TULP2: variants seen among roughly 807,000 people sequenced by gnomAD.
TULP2 encodes the protein tubby-related protein 2.
Under a neutral mutation model 60.3 loss-of-function variants are expected in TULP2, and 64 were observed. That is an observed-to-expected ratio of 1.06 (90% CI 0.87 to 1.31). TULP2 has a LOEUF of 1.31. Among genes scored for constraint, TULP2 ranks in the 50% most tolerant of loss-of-function variants. The pLI, the probability that TULP2 is intolerant of heterozygous loss-of-function variation, is 0.00. For synonymous variants in TULP2, 267 were observed against 265.4 expected (o/e 1.01, Z -0.06); for missense variants, 652 against 667.0 (o/e 0.98, Z 0.25).
rs549526019 is a variant in TULP2 at position 48,889,721 on chromosome 19, A to G, written c.515-90T>C. On this transcript the variant is annotated intron_variant, in intron 6 of 12. Coordinates refer to ENST00000221399, the MANE Select transcript of TULP2 (RefSeq NM_003323.3). ...AGGAGACTCCATTTTGTTCTGTACT[A>G]AGACAAATTCTTCTGCCTTGGGATG... 1.6e-5 allele frequency: 19 copies of G among 1,177,636 alleles called. No individual in the cohort carries two copies. In the African/African-American group the frequency reaches 2.6e-4, roughly 16 times the overall value. 72.9% of individuals were successfully genotyped at this position (1,177,636 alleles called of 1,614,324 possible).
At chr19:48,893,644 C>T (rs564359066) in intron 6 of TULP2, among the ~76,000 whole-genome samples, 2 of 152,182 alleles carry the variant, frequency 1.3e-5, no homozygotes, top group African/African-American at 2.4e-5. Flanking sequence ...ACCTCTGTCT[C>T]CTGGGTTCAA....
At chr19:48,890,886 G>A (rs2037226412) in intron 6 of TULP2, among the ~76,000 whole-genome samples, 1 of 152,122 alleles carries the variant, frequency 6.6e-6, no homozygotes, top group African/African-American at 2.4e-5. Context: ...GGGGGATGGA[G>A]TTTGGGGTGA....
chr19:48,890,470 A>T (rs4802519), intron 6 of TULP2, among the ~76,000 whole-genome samples: 15,145 of 151,762 alleles, frequency 0.1, 364 homozygotes, highest in Non-Finnish European at 0.15. Context: ...GATCCTCCAT[A>T]TGCTGAACGC....
chr19:48,889,458 C>T (rs937576117), intron 7 of TULP2, 52 bp downstream of exon 7: 42 of 1,541,580 alleles, frequency 2.7e-5, no homozygotes, highest in Non-Finnish European at 3.6e-5. Context: ...CACCAGAGGT[C>T]CGAGGCTAGC....
intron 8 of TULP2, 34 bp from the exon 9 acceptor site, chr19:48,885,594 C>CT: frequency 1.3e-6 from 2 of 1,594,390 alleles, no homozygotes; most frequent in Non-Finnish European, 1.7e-6. Context: ...TTAGAATGGA[C>CT]TTCTGGATGC....
intron 8 of TULP2, among the ~76,000 whole-genome samples, chr19:48,887,621 A>G (rs10423931): frequency 0.49 from 74,236 of 151,576 alleles, 21,231 homozygotes; most frequent in African/African-American, 0.81. Context: ...GCAGTGATGC[A>G]ATCTCGGCTC....
At position 48,885,433 on chromosome 19, in the gene TULP2, CAG is replaced by C; in HGVS notation, c.1061+13_1061+14del. 1.9e-6 allele frequency: 3 copies of C among 1,610,948 alleles called. No individual in the cohort carries two copies. Among genetic ancestry groups the C allele is most frequent in the Non-Finnish European group, 2.5e-6 (3 of 1,177,278 alleles). On this transcript the variant is annotated intron_variant, in intron 9 of 12. Transcript: ENST00000221399. ...CTGCTACCTGCTCCTCACCACATGT[CAG>C]AGCTCTACCCACCTGACTTTGCCCA...
Position 48,883,677 on chromosome 19 carries a change from T to G in TULP2, c.1275+77A>C, listed in dbSNP as rs2037154276. The G allele has an allele frequency of 8.5e-6, 13 of 1,526,478 alleles. 1 individual carries two copies. The South Asian group carries it at 1.4e-4, about 16-fold the overall frequency. 94.6% of individuals were successfully genotyped at this position (1,526,478 alleles called of 1,614,324 possible). A position where few individuals can be genotyped will look rare whatever the true frequency, so the allele number is the denominator to read the frequency against. On this transcript the variant is annotated intron_variant, in intron 11 of 12. Coordinates refer to ENST00000221399, the MANE Select transcript of TULP2 (RefSeq NM_003323.3). ...GGCCTCCTCTTCCTCCTCTTCTTCT[T>G]CCTCCTCTGGGATCTAGGAGGACCG...
Position 48,883,790 on chromosome 19 carries a change from G to C in TULP2, c.1239C>G (p.Asn413Lys). The change falls in exon 11 of 13, where the codon AAC becomes AAG. Residue 413 changes from asparagine to lysine, a missense_variant. Coordinates refer to ENST00000221399, the MANE Select transcript of TULP2 (RefSeq NM_003323.3). ...RKMTVILPGTNSQNQRINVQP... is the reference protein window; with the variant it reads ...RKMTVILPGTKSQNQRINVQP... ...GGACATTGATTCGCTGGTTCTGGCT[G>C]TTGGTTCCTGGGAGAATCACAGTCA... 6.2e-7 allele frequency: 1 copy of C among 1,614,110 alleles called. No individual in the cohort carries two copies. Among genetic ancestry groups the C allele is most frequent in the African/African-American group, 1.3e-5 (1 of 75,010 alleles).
chr19:48,895,666 G>A (rs958832253), intron 4 of TULP2, among the ~76,000 whole-genome samples, 163 bp from the exon 5 acceptor site: 1 of 152,132 alleles, frequency 6.6e-6, no homozygotes, highest in African/African-American at 2.4e-5. Context: ...GATCACCTGA[G>A]GTCGGGAGTT....
In TULP2 at chr19:48,884,175, T is replaced by C. The variant is rs1007004384; in HGVS notation, c.1062-129A>G. On this transcript the variant is annotated intron_variant, in intron 9 of 12. Coordinates refer to ENST00000221399, the MANE Select transcript of TULP2 (RefSeq NM_003323.3). ...ACTATGTCCGAATGTCTAAGAATCA[T>C]GTTCCTGGCTGGGCACAGGGGCTCA... The C allele has an allele frequency of 3.1e-5, 24 of 764,268 alleles. No homozygotes were observed. In the Admixed American group the frequency reaches 4.6e-4, roughly 15 times the overall value. The allele number at this position is 764,268 out of a possible 1,614,324, so 47.3% of individuals were successfully genotyped here. A position where few individuals can be genotyped will look rare whatever the true frequency, so the allele number is the denominator to read the frequency against.
intron 3 of TULP2, among the ~76,000 whole-genome samples, chr19:48,896,953 G>C (rs950303768): frequency 2.7e-5 from 4 of 150,882 alleles, no homozygotes; most frequent in African/African-American, 9.8e-5. Flanking sequence ...GCAGTACCAC[G>C]ATCTCCGCTC....
Position 48,885,562 on chromosome 19 carries a change from T to C in TULP2, c.949-2A>G, listed in dbSNP as rs752549339. ...CTTTCGCCCAGCCAGGAGGAAGCGC[T>C]ATGGATGAGAGGAACAGTCCATTAG... is the stretch of plus-strand genomic sequence containing the variant. On this transcript the variant is annotated splice_acceptor_variant, in intron 8 of 12. Transcript: ENST00000221399. LOFTEE classifies it high-confidence loss of function. 2 of 1,613,368 alleles carry C rather than the reference T, an allele frequency of 1.2e-6. No homozygotes were observed. The highest frequency in any genetic ancestry group is 4.5e-5 in the East Asian group (2 of 44,828).
At chr19:48,885,638 C>T in intron 8 of TULP2, 78 bp from the exon 9 acceptor site, 1 of 1,333,518 alleles carries the variant, frequency 7.5e-7, no homozygotes. Flanking sequence ...AATCCCTGCA[C>T]TTTGGGAGGC....
chr19:48,887,806 C>T, intron 8 of TULP2, 144 bp downstream of exon 8: 1 of 856,304 alleles, frequency 1.2e-6, no homozygotes, highest in Non-Finnish European at 1.8e-6. Context: ...GATCCACCCG[C>T]TTCAGCCTCC....
In TULP2 at chr19:48,887,984, T is replaced by C; in HGVS notation, c.914A>G (p.Tyr305Cys). The change falls in exon 8 of 13, where the codon TAC (tyrosine) becomes TGC (cysteine). Residue 305 changes from tyrosine to cysteine, a missense_variant. Transcript: ENST00000221399. ...GTCAGAGGTCTCCAGGTAGAGGTAG[T>C]AGAGGGGGAACAAGCCCTTGTCCAC... ...HGVDKGLFPLYYLYLETSDSL... is the reference protein window; with the variant it reads ...HGVDKGLFPLCYLYLETSDSL... 2 of 1,613,886 alleles carry C rather than the reference T, an allele frequency of 1.2e-6. No individual in the cohort carries two copies. The highest frequency in any genetic ancestry group is 8.5e-7 in the Non-Finnish European group (1 of 1,179,802).
rs2037140642 is a variant in TULP2, at chr19:48,882,199, T to C, written c.1280A>G (p.Gln427Arg). 2 of 1,613,992 alleles carry C rather than the reference T, an allele frequency of 1.2e-6. No individual in the cohort carries two copies. The highest frequency in any genetic ancestry group is 2.7e-5 in the African/African-American group (2 of 74,926). Residue 427 changes from glutamine to arginine, a missense_variant, in exon 12 of 13, where the codon CAG (glutamine) becomes CGG (arginine). Coordinates refer to ENST00000221399, the MANE Select transcript of TULP2 (RefSeq NM_003323.3). The part of the protein sequence containing the change: ...QRINVQPLNE[Q>R]ESLLSRYQRG... ...TTGGTAACGACTCAGTAGCGACTCC[T>C]GTTCCTAGAAGGTAAAGAAGGGGCT...
chr19:48,887,824 C>G, intron 8 of TULP2, 126 bp downstream of exon 8: 1 of 1,038,404 alleles, frequency 9.6e-7, no homozygotes, highest in African/African-American at 1.6e-5. Context: ...TCCCAAAGTG[C>G]TGGGATTATA....
chr19:48,881,001 C>T lies in TULP2; in HGVS notation c.*10G>A. 2 of 1,606,862 alleles carry T rather than the reference C, an allele frequency of 1.2e-6. No homozygotes were observed. Among genetic ancestry groups the T allele is most frequent in the Non-Finnish European group, 1.7e-6 (2 of 1,173,744 alleles). ...TATGGTATTTTATTGAGTTATTCAA[C>T]AGCCAGCTTCTAATTGAAACTGGAC... On this transcript the variant is annotated 3_prime_UTR_variant, in exon 13 of 13. Transcript: ENST00000221399.
Sources: allele counts gnomAD v4.1 joint callset (sites outside exome capture counted in the v4.1 genomes callset), GRCh38; gene constraint gnomAD v4.1.1; transcripts MANE v1.5; gene names NCBI Gene and HGNC (gene_info 2026-07-23, HGNC 2026-07-21).